Variants in ARFIP1 observed in about 807,000 individuals in gnomAD.
ARFIP1 encodes ARF interacting protein 1.
A neutral mutation model predicts 42.5 loss-of-function variants in ARFIP1; 24 were observed. That is an observed-to-expected ratio of 0.57 (90% confidence interval 0.41 to 0.80). The LOEUF (loss-of-function observed/expected upper bound fraction) is 0.80. ARFIP1 is among the 30% of genes least tolerant of loss of function. The probability of loss-of-function intolerance (pLI) is 0.00; values close to 1 mark genes in which losing one functional copy is unlikely to be tolerated. For missense variants in ARFIP1, 354 were observed against 434.0 expected (o/e 0.82, Z 1.64); for synonymous variants, 141 against 153.7 (o/e 0.92, Z 0.61).
chr4:152,821,804 A>G (rs541868681), intron 1 of ARFIP1, among the ~76,000 whole-genome samples: 1 of 152,342 alleles, frequency 6.6e-6, no homozygotes, highest in East Asian at 1.9e-4. Context: ...CAGAAACCTT[A>G]TAAGCCAGAA....
At chr4:152,831,967 G>A (rs776633863) in intron 2 of ARFIP1, among the ~76,000 whole-genome samples, 8 of 148,022 alleles carry the variant, frequency 5.4e-5, no homozygotes, top group Non-Finnish European at 1.0e-4. Flanking sequence ...GTTTAAAATT[G>A]TAGTATAGTT....
intron 8 of ARFIP1, among the ~76,000 whole-genome samples, chr4:152,904,284 A>C (rs958546974): frequency 6.7e-6 from 1 of 150,030 alleles, no homozygotes; most frequent in African/African-American, 2.5e-5. Flanking sequence ...CTCCGCCTCC[A>C]TAGTTCAAGC....
chr4:152,860,731 A>G (rs1420675314), intron 2 of ARFIP1, among the ~76,000 whole-genome samples: 3 of 152,358 alleles, frequency 2.0e-5, no homozygotes, highest in African/African-American at 7.2e-5. Flanking sequence ...ATAATAAATT[A>G]GTCACTAACT....
chr4:152,849,623 A>C (rs976803642), intron 2 of ARFIP1, among the ~76,000 whole-genome samples: 1 of 152,064 alleles, frequency 6.6e-6, no homozygotes, highest in Non-Finnish European at 1.5e-5. Flanking sequence ...TTGTTGAATG[A>C]ATGGGAGAGA....
chr4:152,850,437 C>G (rs1732886538), intron 2 of ARFIP1, among the ~76,000 whole-genome samples: 1 of 151,780 alleles, frequency 6.6e-6, no homozygotes, highest in South Asian at 2.1e-4. Flanking sequence ...TTGAAATTGA[C>G]TGGAAAGAAG....
At chr4:152,834,350 T>C (rs1368522615) in intron 2 of ARFIP1, among the ~76,000 whole-genome samples, 1 of 152,200 alleles carries the variant, frequency 6.6e-6, no homozygotes, top group East Asian at 1.9e-4. Flanking sequence ...TCCTAAAGTC[T>C]TAACTCATTC....
At chr4:152,902,177 A>G (rs1737892652) in intron 8 of ARFIP1, among the ~76,000 whole-genome samples, 1 of 152,086 alleles carries the variant, frequency 6.6e-6, no homozygotes, top group African/African-American at 2.4e-5. Flanking sequence ...AGTTTTCTTT[A>G]TTTTTTGTTT....
chr4:152,868,385 T>G (rs1280915901), intron 3 of ARFIP1, among the ~76,000 whole-genome samples: 1 of 152,154 alleles, frequency 6.6e-6, no homozygotes, highest in Non-Finnish European at 1.5e-5. Context: ...GTTAGTAAGA[T>G]CCTGTATTAT....
intron 2 of ARFIP1, among the ~76,000 whole-genome samples, chr4:152,841,946 T>C (rs1440573903): frequency 6.6e-6 from 1 of 152,160 alleles, no homozygotes; most frequent in Non-Finnish European, 1.5e-5. Context: ...AGGAAGCAGT[T>C]AGAGCGGTCG....
intron 6 of ARFIP1, among the ~76,000 whole-genome samples, chr4:152,881,537 T>A (rs1421397666): frequency 1.3e-5 from 2 of 152,202 alleles, no homozygotes; most frequent in Non-Finnish European, 2.9e-5. Context: ...ATTATTCTAT[T>A]TCCAGTAACA....
At chr4:152,804,684 G>A (rs542741979) in intron 1 of ARFIP1, among the ~76,000 whole-genome samples, 2 of 150,966 alleles carry the variant, frequency 1.3e-5, no homozygotes, top group African/African-American at 4.9e-5. Context: ...TGTGTGAAGA[G>A]TATTGGTGTG....
intron 1 of ARFIP1, among the ~76,000 whole-genome samples, chr4:152,818,259 C>T (rs773241565): frequency 6.6e-5 from 10 of 152,136 alleles, no homozygotes; most frequent in South Asian, 2.1e-4. Flanking sequence ...ACCATGAACC[C>T]GACAGAAAAT....
intron 1 of ARFIP1, chr4:152,796,023 G>A: frequency 1.6e-6 from 1 of 636,846 alleles, no homozygotes; most frequent in African/African-American, 1.8e-5. Context: ...AGTTTTTTCA[G>A]TTGGTGTGTA....
intron 5 of ARFIP1, among the ~76,000 whole-genome samples, chr4:152,880,350 CAAA>C (rs200632915): frequency 3.2e-5 from 4 of 125,514 alleles, no homozygotes; most frequent in Non-Finnish European, 1.7e-5. Context: ...CCATCTCAGA[CAAA>C]AAAAAAAAAA....
intron 2 of ARFIP1, among the ~76,000 whole-genome samples, chr4:152,847,768 A>G (rs1297287638): frequency 6.6e-6 from 1 of 152,204 alleles, no homozygotes; most frequent in Non-Finnish European, 1.5e-5. Context: ...AGCAGAAGCA[A>G]ATCATACTAA....
At chr4:152,789,127 G>A (rs1330374817) in intron 1 of ARFIP1, among the ~76,000 whole-genome samples, 1 of 112,500 alleles carries the variant, frequency 8.9e-6, no homozygotes, top group African/African-American at 3.6e-5. Flanking sequence ...GTCTCACTCT[G>A]TTGCCCAGGC....
intron 1 of ARFIP1, among the ~76,000 whole-genome samples, chr4:152,806,911 T>C (rs1258210623): frequency 6.6e-6 from 1 of 151,800 alleles, no homozygotes; most frequent in Non-Finnish European, 1.5e-5. Flanking sequence ...GAATCATAGC[T>C]CACTGTAACC....
At chr4:152,863,549 G>A in intron 2 of ARFIP1, 57 bp from the exon 3 acceptor site, 1 of 966,624 alleles carries the variant, frequency 1.0e-6, no homozygotes, top group South Asian at 1.4e-5. Context: ...ATTCTGAACT[G>A]TTACGTCATG....
intron 6 of ARFIP1, among the ~76,000 whole-genome samples, chr4:152,881,978 C>A (rs1232820045): frequency 2.0e-5 from 3 of 152,044 alleles, no homozygotes; most frequent in Non-Finnish European, 2.9e-5. Flanking sequence ...AATGATACAT[C>A]TTAGAATATG....
Sources: allele counts gnomAD v4.1 joint callset (sites outside exome capture counted in the v4.1 genomes callset), GRCh38; gene constraint gnomAD v4.1.1; transcripts MANE v1.5; gene names NCBI Gene and HGNC (gene_info 2026-07-23, HGNC 2026-07-21).